KLHL35: variants seen among roughly 807,000 people sequenced by gnomAD.
KLHL35 encodes kelch like family member 35, also known as kelch-like protein 35.
In KLHL35, 50 loss-of-function variants were observed where a neutral mutation model predicts 44.0. The ratio of observed to expected loss-of-function variants is 1.14; its 90% CI spans 0.91 to 1.44. KLHL35 has a LOEUF of 1.44. Among genes scored for constraint, KLHL35 ranks in the 40% most tolerant of loss-of-function variants. KLHL35 has a pLI of 0.00. For missense variants in KLHL35, 1,049 were observed against 887.8 expected, an observed-to-expected ratio of 1.18 and a Z score of -2.31; for synonymous variants, 470 against 410.4, an observed-to-expected ratio of 1.15 and a Z score of -1.76.
chr11:75,424,044 C>T (rs114887476), intron 5 of KLHL35, 164 bp from the exon 6 acceptor site: 84 of 605,830 alleles, frequency 1.4e-4, no homozygotes, highest in African/African-American at 5.4e-4. Context: ...GGAGGTCCAC[C>T]GTCCCTGCCC....
intron 3 of KLHL35, among the ~76,000 whole-genome samples, 180 bp downstream of exon 3, chr11:75,428,262 A>C (rs1347128373): frequency 6.6e-6 from 1 of 152,280 alleles, no homozygotes; most frequent in African/African-American, 2.4e-5. Flanking sequence ...ATTGAAGTTA[A>C]CATTCCTGAA....
At chr11:75,426,772 G>GT (rs1592038239) in intron 3 of KLHL35, 134 bp from the exon 4 acceptor site, 2 of 593,182 alleles carry the variant, frequency 3.4e-6, no homozygotes, top group Non-Finnish European at 6.0e-6. Flanking sequence ...TTGAGCTGGT[G>GT]TAAGACTCTG....
At chr11:75,424,013 G>C (rs1325255525) in intron 5 of KLHL35, 133 bp from the exon 6 acceptor site, 1 of 686,796 alleles carries the variant, frequency 1.5e-6, no homozygotes, top group Non-Finnish European at 2.4e-6. Flanking sequence ...CCAGGCCTGA[G>C]CCAGCATCTG....
rs1256762407 is a variant in KLHL35 at position 75,430,357 on chromosome 11, C to T, written c.273G>A (p.Ala91=). The T allele has an allele frequency of 3.0e-6, 4 of 1,324,596 alleles. No homozygotes were observed. Among genetic ancestry groups the T allele is most frequent in the Non-Finnish European group, 1.9e-6 (2 of 1,035,660 alleles). 82.1% of individuals were successfully genotyped at this position (1,324,596 alleles called of 1,614,324 possible). The change falls in exon 2 of 7, where the codon GCG becomes GCA. Residue 91 remains alanine (A), a synonymous_variant. Coordinates refer to ENST00000539798, the MANE Select transcript of KLHL35 (RefSeq NM_001039548.3). ...VVPVVPVAPE[A]PGTSPAGAAA... ...CCGCCCCGGCCGGGCTCGTGCCTGGCGCCTCGGGAGCTACTGGCACCACTG... is the reference window on the plus strand; with the variant it reads ...CCGCCCCGGCCGGGCTCGTGCCTGGTGCCTCGGGAGCTACTGGCACCACTG...
chr11:75,428,114 T>C (rs1232020263), intron 3 of KLHL35, among the ~76,000 whole-genome samples: 1 of 152,190 alleles, frequency 6.6e-6, no homozygotes, highest in African/African-American at 2.4e-5. Context: ...AACAGCATTG[T>C]AGGGGGATTT....
At chr11:75,432,340 A>C (rs1031726947) in intron 1 of KLHL35, among the ~76,000 whole-genome samples, 1 of 152,070 alleles carries the variant, frequency 6.6e-6, no homozygotes, top group South Asian at 2.1e-4. Context: ...GGTGGGCAAG[A>C]AAGTTAACTA....
Position 75,429,914 on chromosome 11 carries a change from A to T in KLHL35, c.716T>A (p.Leu239Gln). ...CAGTAGCGGCAGGCGCACGTGCTCCAGCAGGCGTCGCAGCTGGCCGCGGCG... is the reference window on the plus strand; with the variant it reads ...CAGTAGCGGCAGGCGCACGTGCTCCTGCAGGCGTCGCAGCTGGCCGCGGCG... ...PARRGQLRRL[L>Q]EHVRLPLLAP... The change falls in exon 2 of 7, where the codon CTG becomes CAG. Residue 239 changes from leucine (L) to glutamine (Q), a missense_variant. Physicochemically the swap from Leu to Gln is moderately radical, Grantham distance 113 (BLOSUM62 -2). Coordinates refer to ENST00000539798, the MANE Select transcript of KLHL35 (RefSeq NM_001039548.3). 6.7e-7 allele frequency: 1 copy of T among 1,491,398 alleles called. No individual in the cohort carries two copies. Among genetic ancestry groups the T allele is most frequent in the Non-Finnish European group, 8.8e-7 (1 of 1,130,370 alleles). 92.4% of individuals were successfully genotyped at this position (1,491,398 alleles called of 1,614,324 possible). A position where few individuals can be genotyped will look rare whatever the true frequency, so the allele number is the denominator to read the frequency against.
intron 3 of KLHL35, 42 bp downstream of exon 3, chr11:75,428,400 T>C (rs1948507576): frequency 6.2e-7 from 1 of 1,605,420 alleles, no homozygotes; most frequent in Non-Finnish European, 8.5e-7. Context: ...CGGAGGCTAC[T>C]AGTCAATCCC....
At chr11:75,422,872 C>G in intron 6 of KLHL35, 104 bp from the exon 7 acceptor site, 1 of 1,050,252 alleles carries the variant, frequency 9.5e-7, no homozygotes, top group Non-Finnish European at 1.4e-6. Flanking sequence ...AGACTGTGAA[C>G]AGGCAATCTG....
At chr11:75,426,037 G>C (rs1382356496) in intron 4 of KLHL35, 1 of 157,012 alleles carries the variant, frequency 6.4e-6, no homozygotes, top group Non-Finnish European at 1.4e-5. Flanking sequence ...CTCACTGCAA[G>C]CTCCGCCTCC....
At chr11:75,426,215 A>G (rs1948491400) in intron 4 of KLHL35, 1 of 198,328 alleles carries the variant, frequency 5.0e-6, no homozygotes, top group Non-Finnish European at 1.0e-5. Context: ...TTGGCCTCCC[A>G]AAGTGCTGGG....
At chr11:75,432,370 A>T (rs1486225974) in intron 1 of KLHL35, among the ~76,000 whole-genome samples, 2 of 152,152 alleles carry the variant, frequency 1.3e-5, no homozygotes, top group Non-Finnish European at 2.9e-5. Flanking sequence ...AAGTAGAGCG[A>T]CTGGATCCTG....
Position 75,425,463 on chromosome 11 carries a change from G to T in KLHL35, c.1304C>A (p.Ala435Glu). 2 of 1,571,554 alleles carry T rather than the reference G, an allele frequency of 1.3e-6. No homozygotes were observed. The highest frequency in any genetic ancestry group is 1.7e-6 in the Non-Finnish European group (2 of 1,164,688). ...APLPEAVSSA[A>E]VASCAGKLFV... The stretch of plus-strand genomic sequence containing the variant: ...GAGCTTGCCCGCGCAGGACGCCACC[G>T]CCGCCGAGCTCACGGCCTCCGGGAG... The change falls in exon 5 of 7, where the codon GCG (alanine) becomes GAG (glutamate). Residue 435 changes from alanine (A) to glutamate (E), a missense_variant. Physicochemically the swap from Ala to Glu is moderately radical, Grantham distance 107 (BLOSUM62 -1). Transcript: ENST00000539798.
intron 2 of KLHL35, among the ~76,000 whole-genome samples, chr11:75,429,099 CCCT>C (rs755901378): frequency 2.6e-4 from 40 of 152,344 alleles, no homozygotes; most frequent in Non-Finnish European, 3.8e-4. Context: ...TCTGCTGCCT[CCCT>C]CCTCCTATGA....
rs528744346 is a variant in KLHL35 at position 75,427,967 on chromosome 11, T to C, written c.1066+475A>G. Among the ~76,000 whole-genome samples, 10 of 152,314 alleles carry C rather than the reference T, an allele frequency of 6.6e-5. No homozygotes were observed. The East Asian group carries it at 1.9e-3, about 29-fold the overall frequency. ...GGGAGCAAGGACTGTGTTTTATGCT[T>C]CTCTGAGTCTTTAGGGCTTGAGCCT... On this transcript the variant is annotated intron_variant, in intron 3 of 6. Transcript: ENST00000539798.
Position 75,425,431 on chromosome 11 carries a change from T to A in KLHL35, c.1336A>T (p.Ile446Phe). Reference protein sequence around the residue: ...VASCAGKLFVIGGARQGGVNT... With the variant: ...VASCAGKLFVFGGARQGGVNT... ...ACGCCGCCCTGCCTGGCGCCCCCAA[T>A]CACGAAGAGCTTGCCCGCGCAGGAC... Residue 446 changes from isoleucine (I) to phenylalanine (F), a missense_variant, in exon 5 of 7, where the codon ATT (isoleucine) becomes TTT (phenylalanine). By Grantham distance (21) the Ile-to-Phe change is conservative. Coordinates refer to ENST00000539798, the MANE Select transcript of KLHL35 (RefSeq NM_001039548.3). 1 of 1,569,538 alleles carries A rather than the reference T, an allele frequency of 6.4e-7. No homozygotes were observed. Among genetic ancestry groups the A allele is most frequent in the Non-Finnish European group, 8.6e-7 (1 of 1,164,538 alleles).
Position 75,425,373 on chromosome 11 carries a change from C to G in KLHL35, c.1374+20G>C, listed in dbSNP as rs11236427. On this transcript the variant is annotated intron_variant, in intron 5 of 6. Coordinates refer to ENST00000539798, the MANE Select transcript of KLHL35 (RefSeq NM_001039548.3). The stretch of plus-strand genomic sequence containing the variant: ...CACCCCAGCCTTCAACGCCCTCTCG[C>G]GCCTGAGGCCCACGCCCACCTTGTC... The G allele has an allele frequency of 4.6e-6, 7 of 1,523,090 alleles. No homozygotes were observed. The Admixed American group carries it at 1.0e-4, about 23-fold the overall frequency. 94.3% of individuals were successfully genotyped at this position (1,523,090 alleles called of 1,614,324 possible).
In KLHL35 at chr11:75,430,308, C is replaced by G. The variant is rs1347522377; in HGVS notation, c.322G>C (p.Asp108His). ...GAAAALAVVL[D>H]YVYGAGVRLR... ...CGCACGCCCGCTCCGTACACGTAGT[C>G]GAGCACCACGGCCAGCGCCGCCGCC... is the stretch of plus-strand genomic sequence containing the variant. Residue 108 changes from aspartate (D) to histidine (H), a missense_variant, in exon 2 of 7, where the codon GAC (aspartate) becomes CAC (histidine). Transcript: ENST00000539798. 6.4e-6 allele frequency: 8 copies of G among 1,247,112 alleles called. No homozygotes were observed. In the East Asian group the frequency reaches 1.9e-4, roughly 30 times the overall value. 77.3% of individuals were successfully genotyped at this position (1,247,112 alleles called of 1,614,324 possible).
chr11:75,429,897 G>C lies in KLHL35; in HGVS notation c.733C>G (p.Pro245Ala). The change falls in exon 2 of 7, where the codon CCG becomes GCG. Residue 245 changes from proline (P) to alanine (A), a missense_variant. Pro to Ala is a conservative substitution (Grantham distance 27). Coordinates refer to ENST00000539798, the MANE Select transcript of KLHL35 (RefSeq NM_001039548.3). ...AGGAAGTAAGCGGGCGCCAGTAGCG[G>C]CAGGCGCACGTGCTCCAGCAGGCGT... The part of the protein sequence containing the change: ...LRRLLEHVRL[P>A]LLAPAYFLEK... 1.3e-6 allele frequency: 2 copies of C among 1,511,208 alleles called. No individual in the cohort carries two copies. The highest frequency in any genetic ancestry group is 8.8e-7 in the Non-Finnish European group (1 of 1,139,822). 93.6% of individuals were successfully genotyped at this position (1,511,208 alleles called of 1,614,324 possible). A position where few individuals can be genotyped will look rare whatever the true frequency, so the allele number is the denominator to read the frequency against.
Sources: allele counts gnomAD v4.1 joint callset (sites outside exome capture counted in the v4.1 genomes callset), GRCh38; gene constraint gnomAD v4.1.1; transcripts MANE v1.5; gene names NCBI Gene and HGNC (gene_info 2026-07-23, HGNC 2026-07-21).